SLC9A2: variants seen among roughly 807,000 people sequenced by gnomAD.
The protein encoded by SLC9A2 is sodium/hydrogen exchanger 2.
In SLC9A2, 42 loss-of-function variants were observed where a neutral mutation model predicts 71.7. The ratio of observed to expected loss-of-function variants is 0.59; its 90% confidence interval spans 0.46 to 0.76. The LOEUF (loss-of-function observed/expected upper bound fraction) is 0.76. Ranked by LOEUF, SLC9A2 falls within the 30% of genes least tolerant of loss-of-function variation. The pLI, the probability that SLC9A2 is intolerant of heterozygous loss-of-function variation, is 0.00. For synonymous variants in SLC9A2, 396 were observed against 392.5 expected (o/e 1.01, Z -0.10); for missense variants, 829 against 1,017.4 (o/e 0.81, Z 2.52).
At chr2:102,670,748 T>C (rs1401454995) in intron 3 of SLC9A2, among the ~76,000 whole-genome samples, 4 of 151,642 alleles carry the variant, frequency 2.6e-5, no homozygotes, top group Non-Finnish European at 5.9e-5. Flanking sequence ...TCGTCACTGG[T>C]GAAGGTGCGA....
intron 3 of SLC9A2, among the ~76,000 whole-genome samples, chr2:102,679,445 G>A (rs536901998): frequency 3.3e-5 from 5 of 151,084 alleles, no homozygotes; most frequent in East Asian, 2.0e-4. Context: ...GCAGTGGCGC[G>A]ATCTCAGCTC....
intron 2 of SLC9A2, among the ~76,000 whole-genome samples, chr2:102,662,041 G>A (rs756988630): frequency 3.9e-5 from 6 of 152,180 alleles, no homozygotes; most frequent in Non-Finnish European, 5.9e-5. Flanking sequence ...AAACAGGTGG[G>A]AGGTTGTGGA....
intron 1 of SLC9A2, among the ~76,000 whole-genome samples, chr2:102,639,827 A>G (rs1232793429): frequency 6.6e-6 from 1 of 152,174 alleles, no homozygotes; most frequent in East Asian, 1.9e-4. Context: ...GTCTGGCAAA[A>G]GTGAACATTT....
intron 5 of SLC9A2, among the ~76,000 whole-genome samples, chr2:102,685,988 G>C (rs1208409419): frequency 6.6e-6 from 1 of 152,220 alleles, no homozygotes; most frequent in African/African-American, 2.4e-5. Flanking sequence ...AAGATATCGT[G>C]GGAAGAAGGG....
chr2:102,627,518 A>G (rs1676272899), intron 1 of SLC9A2, among the ~76,000 whole-genome samples: 1 of 152,052 alleles, frequency 6.6e-6, no homozygotes, highest in African/African-American at 2.4e-5. Context: ...TATTATTTTG[A>G]GTTTTTAAAA....
In SLC9A2 at chr2:102,642,886, T is replaced by A. The variant is rs1676636642; in HGVS notation, c.290-14678T>A. Among the ~76,000 whole-genome samples the A allele has an allele frequency of 4.6e-5, 7 of 152,214 alleles. No individual in the cohort carries two copies. In the South Asian group the frequency reaches 1.2e-3, roughly 27 times the overall value. ...TTTCTTCATATTGGTTGAGGGCTAT[T>A]CATATTTTCTTCACCAACACAAACT... On this transcript the variant is annotated intron_variant, in intron 1 of 11. Coordinates refer to ENST00000233969, the MANE Select transcript of SLC9A2 (RefSeq NM_003048.6).
chr2:102,643,499 C>T (rs1676651783), intron 1 of SLC9A2, among the ~76,000 whole-genome samples: 1 of 152,178 alleles, frequency 6.6e-6, no homozygotes, highest in African/African-American at 2.4e-5. Context: ...GCTTTTGTTG[C>T]CTGTGCCCAT....
At chr2:102,633,434 T>C (rs890239362) in intron 1 of SLC9A2, among the ~76,000 whole-genome samples, 2 of 152,150 alleles carry the variant, frequency 1.3e-5, no homozygotes, top group African/African-American at 4.8e-5. Context: ...GAGGCCTGCA[T>C]TTGAGGCTCA....
chr2:102,653,252 G>A lies in SLC9A2; in HGVS notation c.290-4312G>A, dbSNP rs1009305615. ...GTAACTGCTGTCCTACTTTAAGAAA[G>A]GGTCATTCAGGCCAATTCTGAATGA... On this transcript the variant is annotated intron_variant, in intron 1 of 11. Transcript: ENST00000233969. 7.9e-5 allele frequency among the ~76,000 whole-genome samples: 12 copies of A among 152,108 alleles called. No individual in the cohort carries two copies. The East Asian group carries it at 2.3e-3, about 29-fold the overall frequency.
At position 102,653,451 on chromosome 2, in the gene SLC9A2, A is replaced by C. The variant is rs1009765728; in HGVS notation, c.290-4113A>C. 2.6e-5 allele frequency among the ~76,000 whole-genome samples: 4 copies of C among 152,270 alleles called. No homozygotes were observed. In the South Asian group the frequency reaches 6.2e-4, roughly 24 times the overall value. ...TGGCATGATGTTCTGGTCGGTCTTC[A>C]TTCTAACTGCATCCTGCATTTATTT... On this transcript the variant is annotated intron_variant, in intron 1 of 11. Coordinates refer to ENST00000233969, the MANE Select transcript of SLC9A2 (RefSeq NM_003048.6).
Position 102,619,576 on chromosome 2 carries a change from C to A in SLC9A2, c.-273C>A. On this transcript the variant is annotated 5_prime_UTR_variant, in exon 1 of 12. Transcript: ENST00000233969. This position sits in a 1 kb window ranked among gnomAD's most constrained non-coding sequence, Gnocchi z 4.3. ...CTGGAGAGCAGCGCACCGGCATGGG[C>A]AGGCGGCCGGCGGCGGAGGGCGGCT... is the stretch of plus-strand genomic sequence containing the variant. 1.0e-5 allele frequency: 3 copies of A among 292,872 alleles called. No individual in the cohort carries two copies. Among genetic ancestry groups the A allele is most frequent in the Non-Finnish European group, 1.9e-5 (3 of 159,888 alleles). The allele number at this position is 292,872 out of a possible 1,614,324, so 18.1% of individuals were successfully genotyped here.
At chr2:102,629,170 A>C (rs899441722) in intron 1 of SLC9A2, among the ~76,000 whole-genome samples, 4 of 152,076 alleles carry the variant, frequency 2.6e-5, no homozygotes, top group African/African-American at 9.7e-5. Flanking sequence ...TTGTGATGTC[A>C]ATTACCATTT....
In SLC9A2 at chr2:102,695,128, T is replaced by A; in HGVS notation, c.1586+15T>A. Reference sequence around the variant, plus strand: ...TGGAGAGACAAGTAAGAAGGTCTTATGCCATTGGGTTATGAAGTGGCCCAG... The same window carrying A: ...TGGAGAGACAAGTAAGAAGGTCTTAAGCCATTGGGTTATGAAGTGGCCCAG... On this transcript the variant is annotated intron_variant, in intron 7 of 11. Coordinates refer to ENST00000233969, the MANE Select transcript of SLC9A2 (RefSeq NM_003048.6). The A allele has an allele frequency of 6.2e-7, 1 of 1,600,830 alleles. No individual in the cohort carries two copies. The highest frequency in any genetic ancestry group is 8.6e-7 in the Non-Finnish European group (1 of 1,168,100).
At chr2:102,704,906 T>C (rs1677944573) in intron 10 of SLC9A2, among the ~76,000 whole-genome samples, 1 of 152,046 alleles carries the variant, frequency 6.6e-6, no homozygotes, top group Non-Finnish European at 1.5e-5. Flanking sequence ...TTAAAAACAA[T>C]ATCGTGGGCC....
intron 1 of SLC9A2, among the ~76,000 whole-genome samples, chr2:102,653,638 A>G (rs1676876786): frequency 6.6e-6 from 1 of 152,070 alleles, no homozygotes; most frequent in Non-Finnish European, 1.5e-5. Context: ...CCATTCTCCA[A>G]CCTTAGGAAT....
chr2:102,646,785 A>ATATATATATATATATATATATATATATC (rs1558706172), intron 1 of SLC9A2, among the ~76,000 whole-genome samples: 3 of 148,116 alleles, frequency 2.0e-5, no homozygotes, highest in African/African-American at 7.6e-5. Context: ...ATATATATAT[A>ATATATATATATATATATATATATATATC]TATATCTCCA....
chr2:102,648,583 A>G (rs752155996), intron 1 of SLC9A2, among the ~76,000 whole-genome samples: 1 of 152,218 alleles, frequency 6.6e-6, no homozygotes, highest in Non-Finnish European at 1.5e-5. Context: ...ATGATTGTAT[A>G]TTTTGAAATC....
chr2:102,698,193 A>G (rs1677803636), intron 7 of SLC9A2, among the ~76,000 whole-genome samples: 1 of 152,190 alleles, frequency 6.6e-6, no homozygotes, highest in East Asian at 1.9e-4. Context: ...ACTCCAATTA[A>G]AAGTAGAGAA....
intron 1 of SLC9A2, among the ~76,000 whole-genome samples, chr2:102,646,781 A>ATATATATATC (rs1487721521): frequency 2.7e-5 from 4 of 148,018 alleles, no homozygotes; most frequent in Non-Finnish European, 3.0e-5. Flanking sequence ...ATATATATAT[A>ATATATATATC]TATATATATC....
Sources: allele counts gnomAD v4.1 joint callset (sites outside exome capture counted in the v4.1 genomes callset), GRCh38; gene constraint gnomAD v4.1.1; non-coding constraint Gnocchi (gnomAD v3.1); transcripts MANE v1.5; gene names NCBI Gene and HGNC (gene_info 2026-07-23, HGNC 2026-07-21).